Variants in RHBDD1 observed in about 807,000 individuals in gnomAD.
RHBDD1 encodes rhomboid domain containing 1.
In RHBDD1, 38 loss-of-function variants were observed where a neutral mutation model predicts 36.3. The ratio of observed to expected loss-of-function variants is 1.05; its 90% CI spans 0.81 to 1.37. The LOEUF is 1.37. Ranked by LOEUF, RHBDD1 falls within the 40% of genes most tolerant of loss-of-function variation. The probability of loss-of-function intolerance (pLI) is 0.00; values close to 1 mark genes in which losing one functional copy is unlikely to be tolerated. For synonymous variants in RHBDD1, 151 were observed against 136.5 expected, an observed-to-expected ratio of 1.11 and a Z score of -0.74; for missense variants, 393 against 377.6, an observed-to-expected ratio of 1.04 and a Z score of -0.34.
chr2:226,885,150 A>G (rs774877227), intron 5 of RHBDD1, among the ~76,000 whole-genome samples: 1 of 152,158 alleles, frequency 6.6e-6, no homozygotes, highest in African/African-American at 2.4e-5. Context: ...TATTAGTTAA[A>G]TAATGGAAAA....
At chr2:226,804,486 A>T in the RHBDD1 span, 1 of 152,226 alleles carries the variant, frequency 6.6e-6, no homozygotes, top group African/African-American at 2.4e-5. Flanking sequence ...GCAATGACCC[A>T]AACCTGCATG....
the RHBDD1 span, among the ~76,000 whole-genome samples, chr2:226,806,466 C>T: frequency 1.3e-5 from 2 of 152,186 alleles, no homozygotes; most frequent in Non-Finnish European, 2.9e-5. Flanking sequence ...TCTCTAAAAT[C>T]CTAGATTACA....
intron 8 of RHBDD1, among the ~76,000 whole-genome samples, chr2:226,971,280 G>C (rs557598878): frequency 6.6e-6 from 1 of 152,294 alleles, no homozygotes; most frequent in Admixed American, 6.5e-5. Context: ...ATGCCCAAGT[G>C]AGTGAGAGAA....
intron 5 of RHBDD1, among the ~76,000 whole-genome samples, chr2:226,877,345 A>G (rs530133227): frequency 6.6e-6 from 1 of 152,304 alleles, no homozygotes; most frequent in African/African-American, 2.4e-5. Context: ...TACAGTATCA[A>G]AGTATCACAT....
At chr2:226,809,871 C>T in the RHBDD1 span, among the ~76,000 whole-genome samples, 1 of 152,072 alleles carries the variant, frequency 6.6e-6, no homozygotes, top group Middle Eastern at 3.4e-3. Context: ...ATATCAATAC[C>T]AACACCTAGT....
intron 5 of RHBDD1, among the ~76,000 whole-genome samples, chr2:226,900,021 A>T (rs1325204098): frequency 6.6e-6 from 1 of 152,184 alleles, no homozygotes; most frequent in African/African-American, 2.4e-5. Context: ...GATGTCTGAA[A>T]TTCTTGTTTG....
At chr2:226,987,319 G>A (rs757481544) in intron 8 of RHBDD1, among the ~76,000 whole-genome samples, 2 of 152,028 alleles carry the variant, frequency 1.3e-5, no homozygotes, top group Non-Finnish European at 2.9e-5. Flanking sequence ...TTCTGCACAC[G>A]TATCCCAGAA....
At chr2:226,971,849 A>G (rs1953574596) in intron 8 of RHBDD1, among the ~76,000 whole-genome samples, 1 of 151,724 alleles carries the variant, frequency 6.6e-6, no homozygotes, top group South Asian at 2.1e-4. Context: ...AAAGCTCTAG[A>G]ATTTGGTGGC....
At chr2:226,948,328 A>G (rs1218737939) in intron 8 of RHBDD1, among the ~76,000 whole-genome samples, 3 of 149,346 alleles carry the variant, frequency 2.0e-5, no homozygotes, top group Non-Finnish European at 4.4e-5. Context: ...CAAAAAACCA[A>G]ACACCGCATA....
the RHBDD1 span, among the ~76,000 whole-genome samples, chr2:226,817,619 C>G: frequency 6.6e-6 from 1 of 152,150 alleles, no homozygotes; most frequent in Non-Finnish European, 1.5e-5. Context: ...AAGCAGGGAT[C>G]CAAAGGATCC....
At position 226,862,861 on chromosome 2, in the gene RHBDD1, C is replaced by G. The variant is rs13402381; in HGVS notation, c.-90-1743C>G. On this transcript the variant is annotated intron_variant, in intron 3 of 8. Coordinates refer to ENST00000392062, the MANE Select transcript of RHBDD1 (RefSeq NM_001167608.3). ...AAGGGGAGCTAGCATGTGCAGAGAT[C>G]ATGTGATGAGAGAGGAAGCAAGGGA... Among the ~76,000 whole-genome samples, 965 of 152,286 alleles carry G rather than the reference C, an allele frequency of 6.3e-3. 8 individuals carry two copies. Among genetic ancestry groups the G allele is most frequent in the African/African-American group, 0.022 (928 of 41,572 alleles).
At chr2:226,870,492 A>G (rs1288427117) in intron 5 of RHBDD1, among the ~76,000 whole-genome samples, 3 of 152,178 alleles carry the variant, frequency 2.0e-5, no homozygotes, top group Non-Finnish European at 2.9e-5. Context: ...AAAAATGCCC[A>G]TAAGCCACTC....
the RHBDD1 span, among the ~76,000 whole-genome samples, chr2:226,824,947 C>G: frequency 6.6e-6 from 1 of 152,200 alleles, no homozygotes; most frequent in South Asian, 2.1e-4. Flanking sequence ...AGACTACAGG[C>G]ACACTGGAAA....
chr2:226,840,489 A>G (rs773142995), intron 3 of RHBDD1, among the ~76,000 whole-genome samples: 1 of 152,234 alleles, frequency 6.6e-6, no homozygotes, highest in Non-Finnish European at 1.5e-5. Flanking sequence ...TTGGTGATGC[A>G]CTGCACGCTT....
At chr2:226,850,482 A>G (rs1054079227) in intron 3 of RHBDD1, among the ~76,000 whole-genome samples, 1 of 152,218 alleles carries the variant, frequency 6.6e-6, no homozygotes, top group Non-Finnish European at 1.5e-5. Flanking sequence ...GATTTATGGC[A>G]TCAGAATGAC....
rs576732228 is a variant in RHBDD1, at chr2:226,884,524, T to C, written c.566+17206T>C. Among the ~76,000 whole-genome samples the C allele has an allele frequency of 2.0e-5, 3 of 152,320 alleles. No homozygotes were observed. The East Asian group carries it at 5.8e-4, about 29-fold the overall frequency. Reference sequence around the variant, plus strand: ...TCAAGAGGAGAGCATTTTAATTTTGTAGTCATTTATAACACATGGGTCAAA... The same window carrying C: ...TCAAGAGGAGAGCATTTTAATTTTGCAGTCATTTATAACACATGGGTCAAA... On this transcript the variant is annotated intron_variant, in intron 5 of 8. Coordinates refer to ENST00000392062, the MANE Select transcript of RHBDD1 (RefSeq NM_001167608.3).
chr2:226,916,031 T>C (rs1173419334), intron 8 of RHBDD1, among the ~76,000 whole-genome samples: 1 of 152,188 alleles, frequency 6.6e-6, no homozygotes, highest in African/African-American at 2.4e-5. Flanking sequence ...ACGCCATGCC[T>C]CATTCCTCAG....
At chr2:226,805,282 G>A in the RHBDD1 span, among the ~76,000 whole-genome samples, 7 of 152,060 alleles carry the variant, frequency 4.6e-5, no homozygotes, top group Admixed American at 3.3e-4. Flanking sequence ...GCGCCGTCTC[G>A]GCTCACTGCA....
intron 5 of RHBDD1, among the ~76,000 whole-genome samples, chr2:226,878,527 G>T (rs1945432303): frequency 6.6e-6 from 1 of 152,156 alleles, no homozygotes; most frequent in South Asian, 2.1e-4. Flanking sequence ...TGAAATGCTT[G>T]TCTCTGGAGC....
Sources: gnomAD v4.1 joint callset for allele counts (sites outside exome capture counted in the v4.1 genomes callset) on GRCh38, gnomAD v4.1.1 for gene constraint, MANE v1.5 for transcripts, NCBI Gene and HGNC (gene_info 2026-07-23, HGNC 2026-07-21) for gene names.